Variants in TDRD9 observed in about 807,000 individuals in gnomAD.
TDRD9 encodes ATP-dependent RNA helicase TDRD9.
In TDRD9, 124 loss-of-function variants were observed where a neutral mutation model predicts 172.6. That is an observed-to-expected ratio of 0.72 (90% CI 0.62 to 0.83). The LOEUF (loss-of-function observed/expected upper bound fraction) is 0.83, where lower values mean the gene tolerates loss of function less well. TDRD9 is among the 40% of genes least tolerant of loss of function. TDRD9 has a pLI of 0.00. For missense variants in TDRD9, 1,479 were observed against 1,714.1 expected (o/e 0.86, Z 2.42); for synonymous variants, 619 against 617.1 (o/e 1.00, Z -0.05).
At chr14:104,040,092 G>A in intron 32 of TDRD9, 104 bp from the exon 33 acceptor site, 1 of 1,097,790 alleles carries the variant, frequency 9.1e-7, no homozygotes, top group Non-Finnish European at 1.2e-6. Context: ...GCTGTACTAG[G>A]GCTGGCAGAA....
chr14:104,021,398 C>T (rs2034950568), intron 23 of TDRD9, among the ~76,000 whole-genome samples: 1 of 152,124 alleles, frequency 6.6e-6, no homozygotes, highest in Non-Finnish European at 1.5e-5. Flanking sequence ...TATCACTTGG[C>T]AATCAATGGT....
intron 2 of TDRD9, among the ~76,000 whole-genome samples, chr14:103,961,168 G>A (rs1260150050): frequency 6.6e-6 from 1 of 152,118 alleles, no homozygotes; most frequent in Non-Finnish European, 1.5e-5. Context: ...AAAACAAGAA[G>A]GCATCAGTAA....
intron 23 of TDRD9, among the ~76,000 whole-genome samples, chr14:104,020,053 T>C (rs894836272): frequency 6.6e-6 from 1 of 152,154 alleles, no homozygotes; most frequent in Non-Finnish European, 1.5e-5. Flanking sequence ...TGTGCACACA[T>C]AGCTGGTAGC....
At chr14:104,049,482 T>C (rs767843296) in intron 34 of TDRD9, 126 bp from the exon 35 acceptor site, 16 of 715,546 alleles carry the variant, frequency 2.2e-5, no homozygotes, top group Non-Finnish European at 3.6e-5. Context: ...AATGTTGACC[T>C]TTAAACAGTT....
intron 35 of TDRD9, 36 bp downstream of exon 35, chr14:104,049,716 C>T: frequency 6.5e-7 from 1 of 1,531,668 alleles, no homozygotes; most frequent in Non-Finnish European, 8.9e-7. Context: ...GAGCAGAGGC[C>T]ACGTGGAGGA....
intron 19 of TDRD9, 133 bp downstream of exon 19, chr14:104,007,337 C>A: frequency 2.6e-6 from 2 of 780,374 alleles, no homozygotes; most frequent in East Asian, 2.7e-5. Flanking sequence ...TGTCAGTGCT[C>A]GCACGGCTGT....
intron 31 of TDRD9, among the ~76,000 whole-genome samples, chr14:104,034,332 A>G (rs893777139): frequency 2.1e-5 from 3 of 142,474 alleles, no homozygotes; most frequent in Non-Finnish European, 4.9e-5. Flanking sequence ...CTGGGACTAC[A>G]AGCACCTGCC....
Position 103,970,520 on chromosome 14 carries a change from GC to G in TDRD9, c.766-16del, listed in dbSNP as rs1478244787. On this transcript the variant is annotated intron_variant, in intron 5 of 35. Coordinates refer to ENST00000409874, the MANE Select transcript of TDRD9 (RefSeq NM_153046.3). ...TGTTGCCTGATGCCATGTGGGGGGTGCCCCCTTTTTTATTTTGTAGGTACAC... is the reference window on the plus strand; with the variant it reads ...TGTTGCCTGATGCCATGTGGGGGGTGCCCCTTTTTTATTTTGTAGGTACAC... 6.5e-7 allele frequency: 1 copy of G among 1,541,712 alleles called. No homozygotes were observed. The highest frequency in any genetic ancestry group is 2.0e-5 in the Admixed American group (1 of 50,912).
At chr14:103,943,314 A>G (rs2031354058) in intron 1 of TDRD9, among the ~76,000 whole-genome samples, 1 of 151,842 alleles carries the variant, frequency 6.6e-6, no homozygotes, top group African/African-American at 2.4e-5. Context: ...ATGCCTGGCT[A>G]GTTTAAAAAA....
intron 32 of TDRD9, 131 bp from the exon 33 acceptor site, chr14:104,040,065 C>T: frequency 1.4e-6 from 1 of 740,326 alleles, no homozygotes; most frequent in Non-Finnish European, 1.9e-6. Context: ...CAGAAAAATG[C>T]ACAAGTGAAA....
At chr14:103,993,772 C>T (rs1420010007) in intron 9 of TDRD9, among the ~76,000 whole-genome samples, 1 of 152,212 alleles carries the variant, frequency 6.6e-6, no homozygotes, top group African/African-American at 2.4e-5. Context: ...ATTACATCTG[C>T]AATGACTCTA....
At chr14:103,940,677 A>G (rs1300961695) in intron 1 of TDRD9, 1 of 620,356 alleles carries the variant, frequency 1.6e-6, no homozygotes, top group East Asian at 2.7e-5. Context: ...AACACTATTT[A>G]AAACATAGGC....
chr14:103,938,628 G>C (rs934844384), intron 1 of TDRD9, among the ~76,000 whole-genome samples: 4 of 151,084 alleles, frequency 2.6e-5, no homozygotes, highest in African/African-American at 9.7e-5. Context: ...TAGTAGAGAT[G>C]GGGTTTCTCT....
intron 32 of TDRD9, among the ~76,000 whole-genome samples, chr14:104,037,280 C>T (rs946814775): frequency 2.0e-5 from 3 of 152,212 alleles, no homozygotes; most frequent in East Asian, 1.9e-4. Context: ...CCCCGCCATG[C>T]GCCCATGCCC....
chr14:104,042,503 T>C (rs906557220), intron 34 of TDRD9, among the ~76,000 whole-genome samples: 1 of 152,178 alleles, frequency 6.6e-6, no homozygotes, highest in Non-Finnish European at 1.5e-5. Flanking sequence ...GCTTGTAGGA[T>C]TGGGCCTTAC....
chr14:103,988,120 T>A (rs2033740308), intron 8 of TDRD9, among the ~76,000 whole-genome samples: 2 of 152,232 alleles, frequency 1.3e-5, no homozygotes, highest in Non-Finnish European at 2.9e-5. Flanking sequence ...ACTTTCAGTC[T>A]ACTTAGTGTC....
intron 2 of TDRD9, among the ~76,000 whole-genome samples, chr14:103,958,199 G>A (rs1310144277): frequency 6.6e-6 from 1 of 152,158 alleles, no homozygotes; most frequent in Admixed American, 6.5e-5. Context: ...GCTCTATGGG[G>A]GTGTAAAACA....
intron 7 of TDRD9, among the ~76,000 whole-genome samples, chr14:103,983,320 C>T (rs1448140893): frequency 1.3e-5 from 2 of 152,044 alleles, no homozygotes; most frequent in Admixed American, 6.6e-5. Flanking sequence ...GGCTCGACCT[C>T]CCAAAGTGCT....
intron 7 of TDRD9, among the ~76,000 whole-genome samples, chr14:103,977,936 A>G (rs966547626): frequency 6.6e-6 from 1 of 152,194 alleles, no homozygotes; most frequent in African/African-American, 2.4e-5. Flanking sequence ...TTCTTTCTCC[A>G]GTGAATGTTC....
Sources: allele counts gnomAD v4.1 joint callset (sites outside exome capture counted in the v4.1 genomes callset), GRCh38; gene constraint gnomAD v4.1.1; transcripts MANE v1.5; gene names NCBI Gene and HGNC (gene_info 2026-07-23, HGNC 2026-07-21).